ARHGEF3: variants seen among roughly 807,000 people sequenced by gnomAD.
The protein encoded by ARHGEF3 is Rho guanine nucleotide exchange factor 3, also known as 59.8 kDA protein.
Under a neutral mutation model 63.2 loss-of-function variants are expected in ARHGEF3, and 28 were observed. That is an observed-to-expected ratio of 0.44 (90% CI 0.33 to 0.61). The LOEUF (loss-of-function observed/expected upper bound fraction) is 0.61. Ranked by LOEUF, ARHGEF3 falls within the 20% of genes least tolerant of loss-of-function variation. The pLI, the probability that ARHGEF3 is intolerant of heterozygous loss-of-function variation, is 0.03. For missense variants in ARHGEF3, 533 were observed against 659.3 expected, an observed-to-expected ratio of 0.81 and a Z score of 2.10; for synonymous variants, 266 against 254.2, an observed-to-expected ratio of 1.05 and a Z score of -0.44.
At chr3:56,803,902 T>G (rs74770769), upstream of ARHGEF3, among the ~76,000 whole-genome samples, 2 of 138,882 alleles carry the variant, frequency 1.4e-5, no homozygotes, top group African/African-American at 2.6e-5. Context: ...TTTTTTTTTT[T>G]GAGATAGGGT....
intron 3 of ARHGEF3, among the ~76,000 whole-genome samples, chr3:56,948,155 A>T (rs1699614374): frequency 1.3e-5 from 2 of 152,322 alleles, no homozygotes; most frequent in African/African-American, 2.4e-5. Context: ...TTATAGCACT[A>T]AATGCCCACA....
rs183985208 is a variant in ARHGEF3, at chr3:57,052,976, T to C, written c.-27-17800A>G. ...ATTTGCCGTGGAGCAGCCCAGGGTGTGGGTGCAGGTGATGTGCCCAGGCAA... is the reference window on the plus strand; with the variant it reads ...ATTTGCCGTGGAGCAGCCCAGGGTGCGGGTGCAGGTGATGTGCCCAGGCAA... On this transcript the variant is annotated intron_variant, in intron 1 of 12. Transcript: ENST00000338458. Among the ~76,000 whole-genome samples, 124 of 152,280 alleles carry C rather than the reference T, an allele frequency of 8.1e-4. 1 individual carries two copies. Among genetic ancestry groups the C allele is most frequent in the Non-Finnish European group, 1.2e-4 (8 of 68,022 alleles).
At chr3:56,854,776 G>A (rs1275156601) in intron 4 of ARHGEF3, among the ~76,000 whole-genome samples, 1 of 139,034 alleles carries the variant, frequency 7.2e-6, no homozygotes, top group Admixed American at 7.1e-5. Flanking sequence ...GAGGGGTGGG[G>A]GGGTTGGGGG....
intron 2 of ARHGEF3, among the ~76,000 whole-genome samples, chr3:56,965,645 CTT>C (rs759458048): frequency 1.8e-3 from 237 of 133,328 alleles, no homozygotes; most frequent in African/African-American, 6.3e-3. Flanking sequence ...AAACTACATT[CTT>C]TTTTTTTTTT....
Position 56,816,995 on chromosome 3 carries a change from A to G in ARHGEF3, c.193-43179T>C, listed in dbSNP as rs569857940. Reference sequence around the variant, plus strand: ...CACCAGCTTCCCCTGCTGATCAATCAGGGGGTTGGATGCTCACTCAAGTCC... The same window carrying G: ...CACCAGCTTCCCCTGCTGATCAATCGGGGGGTTGGATGCTCACTCAAGTCC... On this transcript the variant is annotated intron_variant, in intron 4 of 12. Transcript: ENST00000338458. Among the ~76,000 whole-genome samples the G allele has an allele frequency of 5.3e-5, 8 of 152,314 alleles. No homozygotes were observed. The South Asian group carries it at 1.4e-3, about 28-fold the overall frequency.
chr3:57,001,062 C>A (rs920189777), intron 2 of ARHGEF3, among the ~76,000 whole-genome samples: 1 of 152,020 alleles, frequency 6.6e-6, no homozygotes, highest in African/African-American at 2.4e-5. Context: ...ACCTGAGCCT[C>A]CCAAGTAGCT....
At chr3:57,031,687 G>A (rs1255087128) in intron 2 of ARHGEF3, among the ~76,000 whole-genome samples, 1 of 152,222 alleles carries the variant, frequency 6.6e-6, no homozygotes, top group East Asian at 1.9e-4. Context: ...CGTTCAATGG[G>A]CTAGTTTTCT....
At chr3:56,941,036 C>T (rs1342799676) in intron 3 of ARHGEF3, 2 of 152,264 alleles carry the variant, frequency 1.3e-5, no homozygotes, top group Non-Finnish European at 2.9e-5. Flanking sequence ...ACCAATAAAA[C>T]TGCTAACCCC....
At chr3:57,038,284 G>C (rs1243873906) in intron 1 of ARHGEF3, among the ~76,000 whole-genome samples, 1 of 152,198 alleles carries the variant, frequency 6.6e-6, no homozygotes, top group Non-Finnish European at 1.5e-5. Flanking sequence ...TTCAGGAATC[G>C]GGTAAGGAAT....
At chr3:56,943,088 T>A (rs761966182) in intron 3 of ARHGEF3, among the ~76,000 whole-genome samples, 1 of 152,238 alleles carries the variant, frequency 6.6e-6, no homozygotes, top group Non-Finnish European at 1.5e-5. Flanking sequence ...AAGATCTGGC[T>A]ATGATAATCG....
intron 2 of ARHGEF3, among the ~76,000 whole-genome samples, chr3:56,993,700 T>C (rs898530616): frequency 6.6e-6 from 1 of 151,642 alleles, no homozygotes; most frequent in African/African-American, 2.4e-5. Flanking sequence ...TGCTTAACCT[T>C]CCTGAGGTTC....
intron 2 of ARHGEF3, among the ~76,000 whole-genome samples, chr3:56,995,529 AATC>A (rs1408480664): frequency 6.6e-6 from 1 of 151,878 alleles, no homozygotes; most frequent in Admixed American, 6.6e-5. Flanking sequence ...GGAGACATGC[AATC>A]ATCATTTTTT....
At chr3:57,044,711 GT>G (rs1284998021) in intron 1 of ARHGEF3, among the ~76,000 whole-genome samples, 1 of 152,146 alleles carries the variant, frequency 6.6e-6, no homozygotes, top group Non-Finnish European at 1.5e-5. Context: ...AGGTTAGTCA[GT>G]CCTCAAGGTC....
chr3:56,945,896 ACCT>A (rs1322565093), intron 3 of ARHGEF3, among the ~76,000 whole-genome samples: 20 of 152,156 alleles, frequency 1.3e-4, no homozygotes, highest in Non-Finnish European at 1.5e-5. Context: ...GCAGACTGAC[ACCT>A]CACACGGCCG....
At chr3:56,949,027 C>T (rs996013192) in intron 3 of ARHGEF3, among the ~76,000 whole-genome samples, 4 of 151,988 alleles carry the variant, frequency 2.6e-5, no homozygotes, top group African/African-American at 7.3e-5. Flanking sequence ...ACGACAAAAA[C>T]CATATGATTA....
intron 1 of ARHGEF3, among the ~76,000 whole-genome samples, chr3:57,036,442 T>C (rs1208216468): frequency 6.6e-6 from 1 of 152,064 alleles, no homozygotes; most frequent in Non-Finnish European, 1.5e-5. Flanking sequence ...GAGAAGAATA[T>C]TCCAGTGGCG....
At chr3:56,823,986 GAAAAAA>G (rs5849170) in intron 4 of ARHGEF3, among the ~76,000 whole-genome samples, 34 of 126,388 alleles carry the variant, frequency 2.7e-4, no homozygotes, top group Middle Eastern at 4.1e-3. Context: ...TTGAGGAAAG[GAAAAAA>G]AAAAAAAAAA....
At chr3:56,799,061 A>AT (rs1167417361) in intron 1 of ARHGEF3, among the ~76,000 whole-genome samples, 6 of 152,324 alleles carry the variant, frequency 3.9e-5, no homozygotes, top group African/African-American at 1.4e-4. Flanking sequence ...TAAAAATATC[A>AT]TTTTTTGCTT....
intron 2 of ARHGEF3, among the ~76,000 whole-genome samples, chr3:56,994,083 A>AAAAAAAAAAAAAAAAAAAAAAAC (rs1319930684): frequency 2.1e-5 from 3 of 146,058 alleles, no homozygotes; most frequent in Non-Finnish European, 4.5e-5. Context: ...AAAAAAAAAA[A>AAAAAAAAAAAAAAAAAAAAAAAC]AAGCACACTG....
Sources: gnomAD v4.1 joint callset for allele counts (sites outside exome capture counted in the v4.1 genomes callset) on GRCh38, gnomAD v4.1.1 for gene constraint, MANE v1.5 for transcripts, NCBI Gene and HGNC (gene_info 2026-07-23, HGNC 2026-07-21) for gene names.